Variants in DST observed in about 807,000 individuals in gnomAD.
DST encodes bullous pemphigoid antigen.
A neutral mutation model predicts 875.2 loss-of-function variants in DST; 253 were observed. The ratio of observed to expected loss-of-function variants is 0.29; its 90% CI spans 0.26 to 0.32. The LOEUF is 0.32. Among genes scored for constraint, DST ranks in the 10% least tolerant of loss-of-function variants. The probability of loss-of-function intolerance (pLI) is 1.00; values close to 1 mark genes in which losing one functional copy is unlikely to be tolerated. For synonymous variants in DST, 3,124 were observed against 3,197.1 expected (o/e 0.98, Z 0.77); for missense variants, 8,287 against 9,111.6 (o/e 0.91, Z 3.68).
chr6:56,577,104 A>G (rs772750210), intron 50 of DST, among the ~76,000 whole-genome samples: 1 of 151,208 alleles, frequency 6.6e-6, no homozygotes, highest in Admixed American at 6.6e-5. Flanking sequence ...GAAAGATCTT[A>G]GAGAAACTCC....
chr6:56,535,006 G>T, intron 63 of DST, 116 bp downstream of exon 63: 1 of 1,186,024 alleles, frequency 8.4e-7, no homozygotes, highest in Non-Finnish European at 1.2e-6. Context: ...AATGTCTACA[G>T]CAGCAACAAC....
At chr6:56,655,687 G>A (rs567331125) in intron 10 of DST, among the ~76,000 whole-genome samples, 4 of 152,162 alleles carry the variant, frequency 2.6e-5, no homozygotes, top group Admixed American at 2.0e-4. Flanking sequence ...AATATGTCAG[G>A]TTTTTCCTGA....
At chr6:56,529,333 T>C in intron 66 of DST, 115 bp downstream of exon 66, 1 of 900,920 alleles carries the variant, frequency 1.1e-6, no homozygotes, top group Non-Finnish European at 1.6e-6. Context: ...AGTCTTTTTT[T>C]AAGTACAGCA....
chr6:56,549,145 G>A (rs528265551), intron 61 of DST, among the ~76,000 whole-genome samples: 1 of 152,272 alleles, frequency 6.6e-6, no homozygotes, highest in South Asian at 2.1e-4. Flanking sequence ...CCAGTGAATA[G>A]AAGGCACCCC....
Position 56,463,102 on chromosome 6 carries a change from T to C in DST, c.23014A>G (p.Met7672Val), listed in dbSNP as rs755193160. 2 of 1,613,808 alleles carry C rather than the reference T, an allele frequency of 1.2e-6. No homozygotes were observed. Among genetic ancestry groups the C allele is most frequent in the Non-Finnish European group, 1.7e-6 (2 of 1,179,782 alleles). ...YGKPWLTNSK[M>V]STPCKAAECS... is the part of the protein sequence containing the mutation. ...TCTGCTGCTTTACAAGGAGTTGACA[T>C]TTTGCTGTTTGTCAACCATGGTTTA... The change falls in exon 102 of 104, where the codon ATG becomes GTG. Residue 7672 changes from methionine to valine, a missense_variant. By Grantham distance (21) the Met-to-Val change is conservative (BLOSUM62 1). Coordinates refer to ENST00000680361, the MANE Select transcript of DST (RefSeq NM_001374736.1).
chr6:56,634,688 T>C (rs2152765770), intron 25 of DST, 72 bp from the exon 26 acceptor site: 1 of 1,595,958 alleles, frequency 6.3e-7, no homozygotes, highest in Non-Finnish European at 8.6e-7. Context: ...AATCCTGGGA[T>C]TTTTTTTGTT....
chr6:56,888,426 A>G (rs1785687359), intron 3 of DST, among the ~76,000 whole-genome samples: 1 of 152,204 alleles, frequency 6.6e-6, no homozygotes, highest in African/African-American at 2.4e-5. Flanking sequence ...CAAAGGGGAA[A>G]AGGAAACAAA....
chr6:56,796,934 T>C (rs190595996), intron 4 of DST, among the ~76,000 whole-genome samples: 2 of 152,326 alleles, frequency 1.3e-5, no homozygotes, highest in African/African-American at 4.8e-5. Context: ...TTATTTAGAA[T>C]ACAGAAGTAC....
chr6:56,822,609 A>C (rs2099774348), intron 4 of DST, among the ~76,000 whole-genome samples: 1 of 152,176 alleles, frequency 6.6e-6, no homozygotes, highest in East Asian at 1.9e-4. Flanking sequence ...TGAAGTAAAA[A>C]GTAAAAGTTC....
chr6:56,838,484 C>T (rs1166007989), intron 4 of DST, among the ~76,000 whole-genome samples: 2 of 152,076 alleles, frequency 1.3e-5, no homozygotes, highest in East Asian at 3.8e-4. Flanking sequence ...TGTCCTTACA[C>T]TGATTACCTA....
intron 2 of DST, among the ~76,000 whole-genome samples, chr6:56,946,359 T>C (rs1264215845): frequency 6.6e-6 from 1 of 152,164 alleles, no homozygotes; most frequent in African/African-American, 2.4e-5. Context: ...CCAGATTAAA[T>C]TGAGGAATAA....
intron 47 of DST, among the ~76,000 whole-genome samples, chr6:56,596,049 A>C (rs1483560195): frequency 8.8e-6 from 1 of 113,562 alleles, no homozygotes; most frequent in Non-Finnish European, 2.1e-5. Flanking sequence ...ATTTATTTTG[A>C]GATGGAGTCT....
chr6:56,721,753 T>C (rs2099417504), intron 5 of DST, among the ~76,000 whole-genome samples: 1 of 152,162 alleles, frequency 6.6e-6, no homozygotes, highest in Non-Finnish European at 1.5e-5. Context: ...CACAGCTGGA[T>C]TTACATACAG....
rs377291944 is a variant in DST at position 56,607,762 on chromosome 6, T to C, written c.6866A>G (p.His2289Arg). The C allele has an allele frequency of 1.2e-6, 2 of 1,613,514 alleles. No homozygotes were observed. Among genetic ancestry groups the C allele is most frequent in the Non-Finnish European group, 1.7e-6 (2 of 1,179,712 alleles). Residue 2289 changes from histidine to arginine, a missense_variant, in exon 40 of 104, where the codon CAT (histidine) becomes CGT (arginine). Around this residue, in one of 10 missense-constraint regions of DST, gnomAD observed 3,138 missense variants for 3,116.6 expected, o/e 1.01. Coordinates refer to ENST00000680361, the MANE Select transcript of DST (RefSeq NM_001374736.1). ...CTTTCTATTTTCAGGAGTCTCTTCA[T>C]GTTCAGGTTCTCCACAGTGACATTT... ...FNKCHCGEPE[H>R]EETPENRKCA...
At chr6:56,812,710 C>T (rs949658645) in intron 4 of DST, among the ~76,000 whole-genome samples, 8 of 152,106 alleles carry the variant, frequency 5.3e-5, no homozygotes, top group African/African-American at 1.9e-4. Context: ...CATATTACAA[C>T]CCTAGATGCA....
At chr6:56,570,653 C>A (rs560735836) in intron 53 of DST, among the ~76,000 whole-genome samples, 1 of 152,128 alleles carries the variant, frequency 6.6e-6, no homozygotes, top group Admixed American at 6.5e-5. Flanking sequence ...GGCCATAGAC[C>A]AGTAGATACC....
At position 56,615,265 on chromosome 6, in the gene DST, AC is replaced by A. The variant is rs1282602345; in HGVS notation, c.4930-782del. On this transcript the variant is annotated intron_variant, in intron 36 of 103. Coordinates refer to ENST00000680361, the MANE Select transcript of DST (RefSeq NM_001374736.1). ...TCCCACATTCTACGTAAAAAAAAAA[AC>A]ATTTTAGTGTGGCCAAGTTTCAAAA... 3.4e-5 allele frequency: 43 copies of A among 1,280,110 alleles called. No individual in the cohort carries two copies. In the South Asian group the frequency reaches 6.9e-4, roughly 20 times the overall value. 79.3% of individuals were successfully genotyped at this position (1,280,110 alleles called of 1,614,324 possible). A position where few individuals can be genotyped will look rare whatever the true frequency, so the allele number is the denominator to read the frequency against.
intron 3 of DST, among the ~76,000 whole-genome samples, chr6:56,865,475 C>T (rs1773540978): frequency 6.6e-6 from 1 of 151,992 alleles, no homozygotes; most frequent in African/African-American, 2.4e-5. Flanking sequence ...AGTAGCTAGA[C>T]TACATGTGTG....
chr6:56,545,420 C>CTAAA (rs2152541072), intron 61 of DST, among the ~76,000 whole-genome samples: 1 of 151,342 alleles, frequency 6.6e-6, no homozygotes, highest in African/African-American at 2.4e-5. Context: ...CAAAATGTAG[C>CTAAA]TTTACTTACT....
Sources: gnomAD v4.1 joint callset for allele counts (sites outside exome capture counted in the v4.1 genomes callset) on GRCh38, gnomAD v4.1.1 for gene constraint, gnomAD v4.1.1 regional missense constraint, MANE v1.5 for transcripts, NCBI Gene and HGNC (gene_info 2026-07-23, HGNC 2026-07-21) for gene names.